Variants in GJC1 observed in about 807,000 individuals in gnomAD.
GJC1 encodes gap junction gamma-1 protein.
GJC1 carries 5 observed loss-of-function variants against 29.3 expected under a neutral mutation model. The ratio of observed to expected loss-of-function variants is 0.17; its 90% CI spans 0.09 to 0.36. The LOEUF (loss-of-function observed/expected upper bound fraction) is 0.36, where lower values mean the gene tolerates loss of function less well. Ranked by LOEUF, GJC1 falls within the 10% of genes least tolerant of loss-of-function variation. The pLI is 1.00. For missense variants in GJC1, 310 were observed against 496.2 expected (o/e 0.62, Z 3.56); for synonymous variants, 177 against 183.3 (o/e 0.97, Z 0.28).
At chr17:44,813,484 CTTTTTTTTTTTTTTT>C (rs35299072) in intron 1 of GJC1, among the ~76,000 whole-genome samples, 1 of 80,504 alleles carries the variant, frequency 1.2e-5, no homozygotes, top group Admixed American at 1.7e-4. Flanking sequence ...TTCCAAGTTA[CTTTTTTTTTTTTTTT>C]TTTTTTTTTT....
intron 1 of GJC1, among the ~76,000 whole-genome samples, chr17:44,823,828 C>T (rs777267400): frequency 4.0e-5 from 6 of 151,776 alleles, no homozygotes; most frequent in Non-Finnish European, 7.4e-5. Flanking sequence ...TCTCCTGCCG[C>T]AGCCTCCTAA....
chr17:44,805,229 A>G lies in GJC1; in HGVS notation c.589T>C (p.Phe197Leu). The G allele has an allele frequency of 6.2e-7, 1 of 1,614,134 alleles. No individual in the cohort carries two copies. Among genetic ancestry groups the G allele is most frequent in the Non-Finnish European group, 8.5e-7 (1 of 1,180,022 alleles). ...GGGTGGACTTGGAAGCCATACAGAA[A>G]ATACTGCCCTATCAGAAAACCCACC... The part of the protein sequence containing the change: ...FEVGFLIGQY[F>L]LYGFQVHPFY... The change falls in exon 3 of 3, where the codon TTT (phenylalanine) becomes CTT (leucine). Residue 197 changes from phenylalanine (F) to leucine (L), a missense_variant. By Grantham distance (22) the Phe-to-Leu change is conservative. Coordinates refer to ENST00000592524, the MANE Select transcript of GJC1 (RefSeq NM_005497.4). The surrounding 1 kb of genome is among the most constrained non-coding windows in gnomAD (Gnocchi z 5.1).
At chr17:44,816,716 G>C (rs1191707017) in intron 1 of GJC1, among the ~76,000 whole-genome samples, 2 of 151,898 alleles carry the variant, frequency 1.3e-5, no homozygotes, top group East Asian at 1.9e-4. Flanking sequence ...TTGTTATCCA[G>C]GCTGGTCTCG....
rs146032049 is a variant in GJC1 at position 44,823,584 on chromosome 17, G to A, written c.-97+6478C>T. On this transcript the variant is annotated intron_variant, in intron 1 of 2. Transcript: ENST00000592524. ...CTTTTTTTTAAAATTTCTTATTTTT[G>A]TAGAGACAGGGTCTCATCATATTGC... Among the ~76,000 whole-genome samples the A allele has an allele frequency of 4.9e-3, 745 of 151,610 alleles. 2 individuals carry two copies. The highest frequency in any genetic ancestry group is 6.6e-3 in the Non-Finnish European group (448 of 67,878).
intron 1 of GJC1, among the ~76,000 whole-genome samples, chr17:44,824,228 GA>G (rs1442220799): frequency 6.6e-6 from 1 of 151,962 alleles, no homozygotes; most frequent in East Asian, 1.9e-4. Context: ...GGATGGTCTC[GA>G]ACTCCTGACC....
At chr17:44,827,986 C>T (rs2050194279) in intron 1 of GJC1, among the ~76,000 whole-genome samples, 3 of 152,130 alleles carry the variant, frequency 2.0e-5, no homozygotes, top group Admixed American at 2.0e-4. Context: ...AGGCATGGAA[C>T]AAACACTAAG....
Position 44,805,338 on chromosome 17 carries a change from A to G in GJC1, c.480T>C (p.Pro160=), listed in dbSNP as rs769654327. 1.2e-6 allele frequency: 2 copies of G among 1,614,132 alleles called. No homozygotes were observed. Among genetic ancestry groups the G allele is most frequent in the Non-Finnish European group, 1.7e-6 (2 of 1,180,010 alleles). ...KENKEQSQPK[P]KHDGRRRIRE... ...GAATCCGTCGTCGGCCATCATGCTT[A>G]GGTTTGGGTTGGCTCTGCTCTTTAT... The change falls in exon 3 of 3, where the codon CCT becomes CCC. Residue 160 remains proline, a synonymous_variant. Transcript: ENST00000592524. This position sits in a 1 kb window ranked among gnomAD's most constrained non-coding sequence, Gnocchi z 5.1.
intron 1 of GJC1, among the ~76,000 whole-genome samples, chr17:44,809,927 C>T (rs112366984): frequency 1.8e-3 from 261 of 145,962 alleles, no homozygotes; most frequent in African/African-American, 6.4e-3. Flanking sequence ...GGCATGATCT[C>T]GGCTCACTGC....
rs866812312 is a variant in GJC1, at chr17:44,804,770, C to T, written c.1048G>A (p.Asp350Asn). ...TGACTGTAGGCCTGAACTGCCAGAT[C>T]CAAGCGTTCCTGAGCCATCCTGATC... is the stretch of plus-strand genomic sequence containing the variant. ...REIRMAQERL[D>N]LAVQAYSHQN... The change falls in exon 3 of 3, where the codon GAT (aspartate) becomes AAT (asparagine). Residue 350 changes from aspartate to asparagine, a missense_variant. Physicochemically the swap from Asp to Asn is conservative, Grantham distance 23. Coordinates refer to ENST00000592524, the MANE Select transcript of GJC1 (RefSeq NM_005497.4). 6.2e-7 allele frequency: 1 copy of T among 1,614,212 alleles called. No homozygotes were observed. The highest frequency in any genetic ancestry group is 8.5e-7 in the Non-Finnish European group (1 of 1,180,052).
chr17:44,828,673 G>T (rs1422062490), intron 1 of GJC1, among the ~76,000 whole-genome samples: 1 of 152,124 alleles, frequency 6.6e-6, no homozygotes, highest in African/African-American at 2.4e-5. Context: ...CAAAGCAACT[G>T]CAGTGATACA....
chr17:44,796,047 TTC>T, downstream of GJC1, among the ~76,000 whole-genome samples: 1 of 152,302 alleles, frequency 6.6e-6, no homozygotes, highest in East Asian at 1.9e-4. Flanking sequence ...GTCATTCTGC[TTC>T]TGCAGGTCGG....
chr17:44,808,262 A>G (rs560297386), intron 1 of GJC1, among the ~76,000 whole-genome samples: 5 of 152,100 alleles, frequency 3.3e-5, no homozygotes, highest in Non-Finnish European at 7.3e-5. Context: ...CAAAGGAACA[A>G]TGGAAAAAAA....
In GJC1 at chr17:44,814,229, C is replaced by T. The variant is rs549717524; in HGVS notation, c.-96-6760G>A. ...GATCTTGGCTCACTACAAGCTCCAC[C>T]TCCCAGGTTCATGCCATTCTCCCGC... On this transcript the variant is annotated intron_variant, in intron 1 of 2. Coordinates refer to ENST00000592524, the MANE Select transcript of GJC1 (RefSeq NM_005497.4). 5.3e-5 allele frequency among the ~76,000 whole-genome samples: 8 copies of T among 152,172 alleles called. No homozygotes were observed. In the South Asian group the frequency reaches 1.7e-3, roughly 32 times the overall value.
At chr17:44,796,339 GCA>G (rs1041754479), downstream of GJC1, among the ~76,000 whole-genome samples, 4 of 152,118 alleles carry the variant, frequency 2.6e-5, no homozygotes, top group African/African-American at 7.2e-5. Context: ...GTCAAGGATG[GCA>G]CACTCTTCCA....
At chr17:44,812,460 A>AT (rs1206846339) in intron 1 of GJC1, among the ~76,000 whole-genome samples, 2 of 152,138 alleles carry the variant, frequency 1.3e-5, no homozygotes, top group East Asian at 3.8e-4. Context: ...CCAAGGTCTG[A>AT]TTTTTTCAAA....
At chr17:44,825,179 T>C (rs1414480705) in intron 1 of GJC1, among the ~76,000 whole-genome samples, 4 of 102,516 alleles carry the variant, frequency 3.9e-5, no homozygotes, top group Middle Eastern at 8.6e-3. Flanking sequence ...CAAGACTCTG[T>C]CTCAATTACA....
chr17:44,825,193 A>G (rs1326731026), intron 1 of GJC1, among the ~76,000 whole-genome samples: 1 of 129,584 alleles, frequency 7.7e-6, no homozygotes, highest in African/African-American at 2.7e-5. Context: ...AATTACAAAA[A>G]AAAAAAAAAA....
intron 1 of GJC1, among the ~76,000 whole-genome samples, chr17:44,824,840 A>C (rs1228935109): frequency 1.3e-5 from 2 of 148,502 alleles, no homozygotes; most frequent in Non-Finnish European, 3.0e-5. Context: ...AGTCAAGTGC[A>C]ATAGTGAGAA....
chr17:44,812,274 G>A (rs1044834184), intron 1 of GJC1, among the ~76,000 whole-genome samples: 4 of 152,094 alleles, frequency 2.6e-5, no homozygotes, highest in East Asian at 1.9e-4. Flanking sequence ...GCAGTGAGTC[G>A]AGATTGCGCC....
Sources: allele counts gnomAD v4.1 joint callset (sites outside exome capture counted in the v4.1 genomes callset), GRCh38; gene constraint gnomAD v4.1.1; non-coding constraint Gnocchi (gnomAD v3.1); transcripts MANE v1.5; gene names NCBI Gene and HGNC (gene_info 2026-07-23, HGNC 2026-07-21).